AMBRA1: variants seen among roughly 807,000 people sequenced by gnomAD.
AMBRA1 encodes autophagy and beclin 1 regulator 1, also known as activating molecule in BECN1-regulated autophagy protein 1.
AMBRA1 carries 47 observed loss-of-function variants against 125.4 expected under a neutral mutation model. The ratio of observed to expected loss-of-function variants is 0.37; its 90% CI spans 0.30 to 0.48. The LOEUF (loss-of-function observed/expected upper bound fraction) is 0.48, where lower values mean the gene tolerates loss of function less well. Ranked by LOEUF, AMBRA1 falls within the 20% of genes least tolerant of loss-of-function variation. The pLI is 0.99. For synonymous variants in AMBRA1, 626 were observed against 655.5 expected, an observed-to-expected ratio of 0.95 and a Z score of 0.69; for missense variants, 1,331 against 1,693.4, an observed-to-expected ratio of 0.79 and a Z score of 3.76.
chr11:46,587,470 T>C (rs1240724819), intron 1 of AMBRA1, among the ~76,000 whole-genome samples: 2 of 152,186 alleles, frequency 1.3e-5, no homozygotes, highest in African/African-American at 4.8e-5. Flanking sequence ...CCCAGTATTA[T>C]CATACATTAA....
chr11:46,517,194 C>G (rs1951530208), intron 7 of AMBRA1, among the ~76,000 whole-genome samples: 1 of 142,298 alleles, frequency 7.0e-6, no homozygotes, highest in South Asian at 2.2e-4. Context: ...TTTGCCCAGG[C>G]TGGAGTGCAA....
intron 7 of AMBRA1, among the ~76,000 whole-genome samples, chr11:46,540,393 C>T (rs924100501): frequency 6.6e-6 from 1 of 152,158 alleles, no homozygotes; most frequent in Non-Finnish European, 1.5e-5. Flanking sequence ...CCACTCTTGG[C>T]AAAGAGGAAG....
At chr11:46,567,448 T>C (rs544856751) in intron 1 of AMBRA1, among the ~76,000 whole-genome samples, 27 of 152,124 alleles carry the variant, frequency 1.8e-4, no homozygotes, top group African/African-American at 6.3e-4. Flanking sequence ...CTCAATGCAT[T>C]CTCCACCACC....
At chr11:46,512,996 A>G (rs3802890) in intron 7 of AMBRA1, among the ~76,000 whole-genome samples, 183 bp from the exon 8 acceptor site, 64,771 of 152,098 alleles carry the variant, frequency 0.43, 18,417 homozygotes, top group African/African-American at 0.81. Flanking sequence ...AAGAGCTGCA[A>G]AACTCCCACA....
At chr11:46,494,309 G>C (rs1041411693) in intron 9 of AMBRA1, 105 bp from the exon 10 acceptor site, 2 of 901,182 alleles carry the variant, frequency 2.2e-6, no homozygotes, top group African/African-American at 3.3e-5. Flanking sequence ...ACTTAGGAGA[G>C]GACCCCACAT....
chr11:46,510,541 A>T (rs1256405626), intron 8 of AMBRA1, among the ~76,000 whole-genome samples: 1 of 152,250 alleles, frequency 6.6e-6, no homozygotes, highest in East Asian at 1.9e-4. Flanking sequence ...CTTACTTTAT[A>T]GGCTACCCTA....
At chr11:46,482,687 T>C (rs1265014445) in intron 11 of AMBRA1, among the ~76,000 whole-genome samples, 2 of 152,120 alleles carry the variant, frequency 1.3e-5, no homozygotes, top group Admixed American at 1.3e-4. Flanking sequence ...GGAATCTTTT[T>C]GGCTTCTACT....
intron 7 of AMBRA1, among the ~76,000 whole-genome samples, chr11:46,526,040 T>C (rs1212608184): frequency 1.3e-5 from 2 of 151,742 alleles, no homozygotes; most frequent in Non-Finnish European, 2.9e-5. Flanking sequence ...ACCCCATCTC[T>C]ACTAAAAATA....
At chr11:46,485,788 C>T (rs1950249348) in intron 11 of AMBRA1, among the ~76,000 whole-genome samples, 1 of 152,198 alleles carries the variant, frequency 6.6e-6, no homozygotes, top group Non-Finnish European at 1.5e-5. Context: ...AGTTCATTGA[C>T]AAGGCCCAGT....
chr11:46,399,815 A>G (rs1049672184), intron 17 of AMBRA1, among the ~76,000 whole-genome samples: 10 of 152,344 alleles, frequency 6.6e-5, no homozygotes, highest in Admixed American at 6.5e-4. Flanking sequence ...TCAACTGACC[A>G]GCACAGGACC....
chr11:46,502,391 T>C (rs1046061396), intron 9 of AMBRA1, among the ~76,000 whole-genome samples: 1 of 152,330 alleles, frequency 6.6e-6, no homozygotes, highest in African/African-American at 2.4e-5. Flanking sequence ...ACTCCTAATA[T>C]TAGAGTCTGT....
intron 15 of AMBRA1, among the ~76,000 whole-genome samples, chr11:46,414,693 G>A (rs1221945855): frequency 1.3e-5 from 2 of 152,208 alleles, no homozygotes; most frequent in Non-Finnish European, 2.9e-5. Context: ...CAGCAGCTTG[G>A]GCAGAGTGCA....
chr11:46,468,823 A>AG (rs1288354186), intron 11 of AMBRA1, among the ~76,000 whole-genome samples: 2 of 151,014 alleles, frequency 1.3e-5, no homozygotes, highest in Non-Finnish European at 3.0e-5. Flanking sequence ...TCAAAAAAAA[A>AG]AAAAAGAAAA....
intron 11 of AMBRA1, among the ~76,000 whole-genome samples, chr11:46,479,837 A>G (rs1309408288): frequency 6.6e-6 from 1 of 152,190 alleles, no homozygotes; most frequent in Non-Finnish European, 1.5e-5. Context: ...TCAGTTTTCT[A>G]TAACTGCCAT....
chr11:46,534,050 A>G (rs968821344), intron 7 of AMBRA1, among the ~76,000 whole-genome samples: 1 of 150,750 alleles, frequency 6.6e-6, no homozygotes, highest in African/African-American at 2.4e-5. Flanking sequence ...TTTTTTGATG[A>G]TCCTATTTCA....
chr11:46,531,798 C>A (rs1952227866), intron 7 of AMBRA1, among the ~76,000 whole-genome samples: 1 of 151,914 alleles, frequency 6.6e-6, no homozygotes, highest in Admixed American at 6.6e-5. Context: ...CTAACCACCC[C>A]CAATGACGAA....
At position 46,433,563 on chromosome 11, in the gene AMBRA1, G is replaced by T. The variant is rs764989472; in HGVS notation, c.2887C>A (p.Arg963=). The T allele has an allele frequency of 6.2e-7, 1 of 1,614,190 alleles. No homozygotes were observed. The highest frequency in any genetic ancestry group is 8.5e-7 in the Non-Finnish European group (1 of 1,180,028). ...GRYVMVGLAS[R]RILLHPSTEH... ...GTGGAGGGGTGCAGCAGGATCCTTC[G>T]TGAGGCCAAGCCCACCATTACATAT... Residue 963 remains arginine, a synonymous_variant, in exon 14 of 18, where the codon CGA becomes AGA. Transcript: ENST00000683756.
At chr11:46,437,055 G>A (rs970319158) in intron 12 of AMBRA1, among the ~76,000 whole-genome samples, 12 of 152,060 alleles carry the variant, frequency 7.9e-5, no homozygotes, top group South Asian at 2.1e-4. Flanking sequence ...GTGTGTTAAC[G>A]TTTATTTTGG....
intron 1 of AMBRA1, among the ~76,000 whole-genome samples, chr11:46,578,102 AGT>A (rs1211395862): frequency 6.6e-6 from 1 of 152,058 alleles, no homozygotes; most frequent in Non-Finnish European, 1.5e-5. Context: ...CCTGGAAGAA[AGT>A]GTGTCTCAAA....
Sources: allele counts gnomAD v4.1 joint callset (sites outside exome capture counted in the v4.1 genomes callset), GRCh38; gene constraint gnomAD v4.1.1; transcripts MANE v1.5; gene names NCBI Gene and HGNC (gene_info 2026-07-23, HGNC 2026-07-21).